The following NCK1 variants were observed in gnomAD, a reference collection of about 807,000 sequenced individuals.
NCK1 encodes SH2/SH3 adapter protein NCK1.
A neutral mutation model predicts 36.6 loss-of-function variants in NCK1; 19 were observed. The ratio of observed to expected loss-of-function variants is 0.52; its 90% CI spans 0.36 to 0.76. The LOEUF is 0.76. Ranked by LOEUF, NCK1 falls within the 30% of genes least tolerant of loss-of-function variation. NCK1 has a pLI of 0.00. For synonymous variants in NCK1, 165 were observed against 156.0 expected (o/e 1.06, Z -0.43); for missense variants, 358 against 445.6 (o/e 0.80, Z 1.77).
intron 1 of NCK1, among the ~76,000 whole-genome samples, chr3:136,914,476 TCTG>T (rs1939906536): frequency 1.3e-5 from 2 of 152,240 alleles, no homozygotes; most frequent in Non-Finnish European, 1.5e-5. Flanking sequence ...TGCTTCCTAC[TCTG>T]CTTTCTCCCC....
intron 3 of NCK1, 108 bp from the exon 4 acceptor site, chr3:136,948,151 T>C: frequency 1.4e-6 from 1 of 734,064 alleles, no homozygotes; most frequent in Non-Finnish European, 2.1e-6. Context: ...TTTACCATGG[T>C]GCCTAGGACT....
intron 2 of NCK1, chr3:136,928,789 AG>A (rs766964624): frequency 0.038 from 5,690 of 149,736 alleles, 230 homozygotes; most frequent in South Asian, 0.065. Context: ...GAGACAGTGG[AG>A]CCCACTTCAC....
chr3:136,925,999 A>G (rs565690390), intron 1 of NCK1, among the ~76,000 whole-genome samples: 1 of 152,222 alleles, frequency 6.6e-6, no homozygotes, highest in African/African-American at 2.4e-5. Context: ...AGCATTTGGT[A>G]TTACCACTCT....
chr3:136,862,585 G>A (rs1938259115), intron 1 of NCK1, among the ~76,000 whole-genome samples: 1 of 152,260 alleles, frequency 6.6e-6, no homozygotes, highest in Non-Finnish European at 1.5e-5. Context: ...CAGGGAGCGT[G>A]ACCCCGCGGC....
chr3:136,939,644 T>C (rs1335121014), intron 2 of NCK1, among the ~76,000 whole-genome samples: 1 of 152,084 alleles, frequency 6.6e-6, no homozygotes, highest in Non-Finnish European at 1.5e-5. Flanking sequence ...TTGTATGTTG[T>C]GTTTTCATTT....
intron 1 of NCK1, among the ~76,000 whole-genome samples, chr3:136,879,922 C>T (rs1012045052): frequency 3.4e-4 from 51 of 150,214 alleles, no homozygotes; most frequent in African/African-American, 1.1e-3. Context: ...AGCAAACCAA[C>T]GTGGCACGTG....
chr3:136,887,856 CAGAGCA>C (rs1280624108), intron 1 of NCK1, among the ~76,000 whole-genome samples: 1 of 152,168 alleles, frequency 6.6e-6, no homozygotes, highest in Non-Finnish European at 1.5e-5. Context: ...TGATAAATGA[CAGAGCA>C]AGAATTCAAA....
intron 1 of NCK1, among the ~76,000 whole-genome samples, chr3:136,893,231 TCTC>T (rs1396425239): frequency 2.0e-5 from 2 of 98,224 alleles, no homozygotes; most frequent in Non-Finnish European, 4.6e-5. Flanking sequence ...AATAACTTCT[TCTC>T]CTCTGGGTAG....
At chr3:136,928,441 A>C in intron 2 of NCK1, 1 of 547,828 alleles carries the variant, frequency 1.8e-6, no homozygotes, top group Non-Finnish European at 3.2e-6. Context: ...GCTCCAAGTC[A>C]AGGCAGAGTG....
intron 2 of NCK1, chr3:136,928,492 C>A: frequency 2.5e-6 from 1 of 399,606 alleles, no homozygotes; most frequent in East Asian, 4.4e-5. Context: ...CTAGCAGGGG[C>A]TTTTTGAACC....
chr3:136,920,286 A>G (rs1035540556), intron 1 of NCK1, among the ~76,000 whole-genome samples: 4 of 152,014 alleles, frequency 2.6e-5, no homozygotes, highest in African/African-American at 7.2e-5. Context: ...ATAAAATTCC[A>G]TCTAATTCTG....
At chr3:136,895,402 TTTTTTAAAAAATTGCCATAC>T (rs879352361) in intron 1 of NCK1, among the ~76,000 whole-genome samples, 155 of 152,068 alleles carry the variant, frequency 1.0e-3, no homozygotes, top group Non-Finnish European at 1.7e-3. Context: ...CCATACCACC[TTTTTTAAAAAATTGCCATAC>T]CACCTTTTTT....
At chr3:136,917,933 C>A (rs920359706) in intron 1 of NCK1, among the ~76,000 whole-genome samples, 2 of 152,198 alleles carry the variant, frequency 1.3e-5, no homozygotes, top group African/African-American at 2.4e-5. Context: ...CTCTATCTTA[C>A]AACCAGTGGG....
chr3:136,911,865 G>GT lies in NCK1; in HGVS notation c.-18-16109dup, dbSNP rs558429057. Among the ~76,000 whole-genome samples, 290 of 148,328 alleles carry GT rather than the reference G, an allele frequency of 2.0e-3. 1 individual carries two copies. The highest frequency in any genetic ancestry group is 3.4e-3 in the Non-Finnish European group (226 of 66,802). On this transcript the variant is annotated intron_variant, in intron 1 of 3. Coordinates refer to ENST00000481752, the MANE Select transcript of NCK1 (RefSeq NM_001291999.2). ...GCCAGTATAGGATTCTTAGCTGACA[G>GT]TTTTTTTTTTATTCTCCCCTTTGGT... is the stretch of plus-strand genomic sequence containing the variant.
chr3:136,897,110 A>G (rs1043999804), intron 1 of NCK1, among the ~76,000 whole-genome samples: 1 of 151,860 alleles, frequency 6.6e-6, no homozygotes. Context: ...ATTTTGAGAC[A>G]GAATCTCACT....
intron 1 of NCK1, among the ~76,000 whole-genome samples, chr3:136,888,858 T>G (rs1939147941): frequency 6.6e-6 from 1 of 151,920 alleles, no homozygotes; most frequent in Non-Finnish European, 1.5e-5. Context: ...TTCAATGTTT[T>G]TTTTGTTGTT....
intron 2 of NCK1, chr3:136,928,505 G>A: frequency 2.7e-6 from 1 of 377,080 alleles, no homozygotes; most frequent in Non-Finnish European, 4.8e-6. Context: ...TTTGAACCAT[G>A]AATCACTGTT....
chr3:136,867,055 T>C (rs1454414582), intron 1 of NCK1, among the ~76,000 whole-genome samples: 1 of 346 alleles, frequency 2.9e-3, no homozygotes, highest in Admixed American at 0.023. Flanking sequence ...TGCTTTTCTT[T>C]CTTTCTTTCT....
At chr3:136,925,808 A>G (rs1940222173) in intron 1 of NCK1, among the ~76,000 whole-genome samples, 1 of 152,240 alleles carries the variant, frequency 6.6e-6, no homozygotes, top group South Asian at 2.1e-4. Context: ...ACATTCATGT[A>G]AAATGTGAAC....
Sources: gnomAD v4.1 joint callset for allele counts (sites outside exome capture counted in the v4.1 genomes callset) on GRCh38, gnomAD v4.1.1 for gene constraint, MANE v1.5 for transcripts, NCBI Gene and HGNC (gene_info 2026-07-23, HGNC 2026-07-21) for gene names.